The following PKIB variants were observed in gnomAD, a reference collection of about 807,000 sequenced individuals.
The protein encoded by PKIB is PKI-beta.
Under a neutral mutation model 4.5 loss-of-function variants are expected in PKIB, and 2 were observed. That is an observed-to-expected ratio of 0.44 (90% CI 0.18 to 1.39). PKIB has a LOEUF of 1.39. Among genes scored for constraint, PKIB ranks in the 40% most tolerant of loss-of-function variants. PKIB has a pLI of 0.27. For synonymous variants in PKIB, 38 were observed against 36.0 expected, an observed-to-expected ratio of 1.06 and a Z score of -0.20; for missense variants, 94 against 92.6, an observed-to-expected ratio of 1.02 and a Z score of -0.06.
chr6:122,549,476 A>G (rs1287632662), intron 2 of PKIB, among the ~76,000 whole-genome samples: 1 of 152,116 alleles, frequency 6.6e-6, no homozygotes, highest in Non-Finnish European at 1.5e-5. Flanking sequence ...GCCATTCTTT[A>G]ACCTTGTGAG....
intron 1 of PKIB, among the ~76,000 whole-genome samples, chr6:122,477,583 C>CT (rs888896177): frequency 3.3e-5 from 5 of 152,188 alleles, no homozygotes; most frequent in African/African-American, 1.2e-4. Flanking sequence ...ATCCTGATTT[C>CT]TTTTTTATTC....
intron 2 of PKIB, among the ~76,000 whole-genome samples, chr6:122,572,745 A>G (rs1773408864): frequency 6.6e-6 from 1 of 151,726 alleles, no homozygotes; most frequent in Non-Finnish European, 1.5e-5. Flanking sequence ...CAAGAAAAGA[A>G]GAGAGAACAT....
At chr6:122,699,740 C>A (rs1778720584) in intron 3 of PKIB, among the ~76,000 whole-genome samples, 1 of 152,144 alleles carries the variant, frequency 6.6e-6, no homozygotes, top group African/African-American at 2.4e-5. Context: ...TTATAAGTGT[C>A]AAGATTTAAT....
Position 122,504,985 on chromosome 6 carries a change from G to A in PKIB, c.-248+27046G>A, listed in dbSNP as rs77443775. ...AAATGGAGGCTGCAAAACGCCCCGAGCTCTGGTTTCTACTTGATTTATTGA... is the reference window on the plus strand; with the variant it reads ...AAATGGAGGCTGCAAAACGCCCCGAACTCTGGTTTCTACTTGATTTATTGA... On this transcript the variant is annotated intron_variant, in intron 2 of 6. Coordinates refer to the PKIB transcript ENST00000392491. Among the ~76,000 whole-genome samples the A allele has an allele frequency of 1.4e-3, 206 of 152,290 alleles. 1 individual carries two copies. Among genetic ancestry groups the A allele is most frequent in the African/African-American group, 4.7e-3 (195 of 41,552 alleles).
intron 3 of PKIB, among the ~76,000 whole-genome samples, chr6:122,706,501 G>A (rs928444795): frequency 6.6e-6 from 1 of 152,166 alleles, no homozygotes; most frequent in African/African-American, 2.4e-5. Flanking sequence ...TTGATTGAAT[G>A]AGGACTGAGT....
At chr6:122,597,034 A>G (rs1016713936) in intron 3 of PKIB, among the ~76,000 whole-genome samples, 3 of 152,184 alleles carry the variant, frequency 2.0e-5, no homozygotes, top group Non-Finnish European at 4.4e-5. Context: ...CCTTCACTTT[A>G]GAAAGAATAT....
At chr6:122,685,100 A>G (rs1241486437) in intron 3 of PKIB, among the ~76,000 whole-genome samples, 3 of 152,212 alleles carry the variant, frequency 2.0e-5, no homozygotes, top group Admixed American at 2.0e-4. Context: ...CCCCGGTCAT[A>G]GACAGTGATA....
At chr6:122,606,932 AT>A (rs1774557255), upstream of PKIB, among the ~76,000 whole-genome samples, 1 of 152,048 alleles carries the variant, frequency 6.6e-6, no homozygotes, top group African/African-American at 2.4e-5. Flanking sequence ...AAACTTCTGC[AT>A]TTAGTCTTTC....
chr6:122,654,883 GT>G (rs1776706553), intron 2 of PKIB, among the ~76,000 whole-genome samples: 1 of 151,998 alleles, frequency 6.6e-6, no homozygotes, highest in Non-Finnish European at 1.5e-5. Context: ...TCACTTTTTG[GT>G]TCATTCTCCT....
intron 2 of PKIB, among the ~76,000 whole-genome samples, chr6:122,570,423 C>T (rs900450556): frequency 3.3e-5 from 5 of 152,202 alleles, no homozygotes; most frequent in African/African-American, 1.2e-4. Context: ...CCCCTACTAA[C>T]CTGAAGCCTG....
chr6:122,558,050 A>G (rs1772899349), intron 2 of PKIB, among the ~76,000 whole-genome samples: 1 of 152,150 alleles, frequency 6.6e-6, no homozygotes, highest in Non-Finnish European at 1.5e-5. Flanking sequence ...AGGAAGTCCT[A>G]TTTGTTAGGA....
chr6:122,661,336 A>G (rs1386341655), intron 2 of PKIB, among the ~76,000 whole-genome samples: 2 of 152,190 alleles, frequency 1.3e-5, no homozygotes, highest in Non-Finnish European at 2.9e-5. Flanking sequence ...TATAAACATT[A>G]GTTGTGACTC....
intron 2 of PKIB, among the ~76,000 whole-genome samples, chr6:122,558,153 G>A (rs1415783781): frequency 1.3e-5 from 2 of 152,094 alleles, no homozygotes; most frequent in Non-Finnish European, 2.9e-5. Flanking sequence ...GTATTTGTAG[G>A]GTTTAGTCAT....
chr6:122,582,823 CAA>C (rs1286656272), intron 2 of PKIB, among the ~76,000 whole-genome samples: 1 of 151,924 alleles, frequency 6.6e-6, no homozygotes, highest in Non-Finnish European at 1.5e-5. Context: ...TTATGTATCC[CAA>C]GACCTAAAAC....
chr6:122,544,810 C>T (rs968623314), intron 2 of PKIB, among the ~76,000 whole-genome samples: 2 of 151,772 alleles, frequency 1.3e-5, no homozygotes, highest in African/African-American at 4.8e-5. Flanking sequence ...AAAAACAACC[C>T]CATCAAAAAA....
intron 2 of PKIB, among the ~76,000 whole-genome samples, chr6:122,508,618 C>T (rs749556268): frequency 1.6e-4 from 25 of 152,026 alleles, no homozygotes; most frequent in African/African-American, 3.9e-4. Context: ...ACCCTGAGTA[C>T]GCACAGCTGT....
chr6:122,477,693 C>T (rs569668816), intron 1 of PKIB, among the ~76,000 whole-genome samples: 69 of 152,164 alleles, frequency 4.5e-4, no homozygotes, highest in Non-Finnish European at 8.2e-4. Context: ...GGCCTGATCT[C>T]AAGCGACTTC....
At chr6:122,693,242 G>A (rs1009941959) in intron 3 of PKIB, among the ~76,000 whole-genome samples, 18 of 152,166 alleles carry the variant, frequency 1.2e-4, no homozygotes, top group Non-Finnish European at 1.5e-4. Context: ...GGTGTAGTAC[G>A]TAGCTTGGAA....
Position 122,506,042 on chromosome 6 carries a change from C to A in PKIB, c.-248+28103C>A, listed in dbSNP as rs117203050. Among the ~76,000 whole-genome samples, 337 of 152,166 alleles carry A rather than the reference C, an allele frequency of 2.2e-3. 8 individuals carry two copies. The East Asian group carries it at 0.043, about 20-fold the overall frequency. ...AAGGCCCATAATGACTGTTATAAGG[C>A]TAAAAATAAATCTTTTTGTTTTGGT... On this transcript the variant is annotated intron_variant, in intron 2 of 6. Transcript: ENST00000392491.
Sources: gnomAD v4.1 joint callset for allele counts (sites outside exome capture counted in the v4.1 genomes callset) on GRCh38, gnomAD v4.1.1 for gene constraint, MANE v1.5 for transcripts, NCBI Gene and HGNC (gene_info 2026-07-23, HGNC 2026-07-21) for gene names.